GBE1: variants seen among roughly 807,000 people sequenced by gnomAD.
GBE1 encodes 1,4-alpha-glucan branching enzyme 1.
Under a neutral mutation model 88.8 loss-of-function variants are expected in GBE1, and 70 were observed. That is an observed-to-expected ratio of 0.79 (90% CI 0.65 to 0.96). The LOEUF is 0.96. Among genes scored for constraint, GBE1 ranks in the 40% least tolerant of loss-of-function variants. GBE1 has a pLI of 0.00. For missense variants in GBE1, 872 were observed against 871.0 expected (o/e 1.00, Z -0.01); for synonymous variants, 284 against 300.1 (o/e 0.95, Z 0.56).
chr3:81,638,577 C>A (rs557699740), intron 7 of GBE1, among the ~76,000 whole-genome samples: 21 of 152,216 alleles, frequency 1.4e-4, no homozygotes, highest in Middle Eastern at 6.8e-3. Flanking sequence ...GGGTGACACA[C>A]TTGTCAGAAA....
At chr3:81,515,945 T>C (rs981275708) in intron 14 of GBE1, among the ~76,000 whole-genome samples, 3 of 151,634 alleles carry the variant, frequency 2.0e-5, no homozygotes, top group Non-Finnish European at 3.0e-5. Context: ...AGTTTAAAGC[T>C]AGGAGAGACT....
intron 1 of GBE1, among the ~76,000 whole-genome samples, chr3:81,720,201 A>C (rs1312588051): frequency 6.6e-6 from 1 of 152,112 alleles, no homozygotes; most frequent in Non-Finnish European, 1.5e-5. Flanking sequence ...GAGCTTTCAT[A>C]GTGGCTGCCT....
chr3:81,597,447 T>A (rs1052165583), intron 7 of GBE1, among the ~76,000 whole-genome samples: 1 of 144,692 alleles, frequency 6.9e-6, no homozygotes, highest in Admixed American at 7.0e-5. Context: ...ATCTCAAAAA[T>A]ATATATATAT....
At chr3:81,748,138 G>A (rs1706444276) in intron 1 of GBE1, among the ~76,000 whole-genome samples, 1 of 151,596 alleles carries the variant, frequency 6.6e-6, no homozygotes, top group South Asian at 2.1e-4. Context: ...AAACCGGCAA[G>A]TGAAAAAAGA....
intron 14 of GBE1, among the ~76,000 whole-genome samples, chr3:81,511,099 T>C (rs1702720788): frequency 1.3e-5 from 2 of 152,070 alleles, no homozygotes; most frequent in Non-Finnish European, 1.5e-5. Context: ...ATTTAATAAA[T>C]GGTGCTGGGT....
chr3:81,581,062 G>A (rs990785958), intron 11 of GBE1, 103 bp downstream of exon 11: 6 of 684,732 alleles, frequency 8.8e-6, no homozygotes, highest in Admixed American at 5.5e-5. Flanking sequence ...TAACTACAGA[G>A]GTTTATATTT....
chr3:81,612,220 TAA>T (rs11404629), intron 7 of GBE1: 2,842 of 240,480 alleles, frequency 0.012, 1 homozygote, highest in South Asian at 0.024. Context: ...CACGCTCCTT[TAA>T]AAAAAAAAAA....
chr3:81,644,821 T>TG (rs1405022632), intron 6 of GBE1, among the ~76,000 whole-genome samples: 1 of 152,066 alleles, frequency 6.6e-6, no homozygotes, highest in Non-Finnish European at 1.5e-5. Context: ...GTGGTGGCAG[T>TG]GGGGGCAGTT....
At chr3:81,524,229 C>A (rs1702912607) in intron 14 of GBE1, among the ~76,000 whole-genome samples, 1 of 151,830 alleles carries the variant, frequency 6.6e-6, no homozygotes, top group African/African-American at 2.4e-5. Flanking sequence ...GTTTGATTTG[C>A]ATTTCTTTTA....
At chr3:81,613,051 G>T (rs978782778) in intron 7 of GBE1, 5 of 690,162 alleles carry the variant, frequency 7.2e-6, no homozygotes, top group Non-Finnish European at 1.1e-5. Context: ...GGGGAGGAAA[G>T]AGAGGAGGAT....
At chr3:81,511,961 T>C (rs1195842099) in intron 14 of GBE1, among the ~76,000 whole-genome samples, 23 of 151,202 alleles carry the variant, frequency 1.5e-4, no homozygotes. Context: ...CCATGAATGG[T>C]GGATTGGATA....
chr3:81,740,766 G>GCACA (rs71633686), intron 1 of GBE1, among the ~76,000 whole-genome samples: 7,122 of 149,202 alleles, frequency 0.048, 224 homozygotes, highest in African/African-American at 0.082. Flanking sequence ...GTTAGAAAGT[G>GCACA]CACACACACA....
At chr3:81,614,996 T>C (rs929681196) in intron 7 of GBE1, among the ~76,000 whole-genome samples, 3 of 151,684 alleles carry the variant, frequency 2.0e-5, no homozygotes, top group Non-Finnish European at 2.9e-5. Flanking sequence ...TACTCCAGCA[T>C]AGGTTACAGA....
At chr3:81,592,560 C>A (rs955028086) in intron 8 of GBE1, among the ~76,000 whole-genome samples, 8 of 152,040 alleles carry the variant, frequency 5.3e-5, no homozygotes, top group African/African-American at 1.9e-4. Context: ...TTCTGCTGTG[C>A]GGTTTCAGGG....
At chr3:81,574,804 A>T (rs2106929092) in intron 12 of GBE1, among the ~76,000 whole-genome samples, 1 of 152,318 alleles carries the variant, frequency 6.6e-6, no homozygotes, top group South Asian at 2.1e-4. Context: ...TTGAACAAAT[A>T]TCTGGTATAA....
At chr3:81,685,530 C>T (rs1221181016) in intron 2 of GBE1, among the ~76,000 whole-genome samples, 1 of 151,922 alleles carries the variant, frequency 6.6e-6, no homozygotes, top group African/African-American at 2.4e-5. Context: ...TACAAGCACC[C>T]GCCACCATGC....
chr3:81,585,480 T>C (rs1703790548), intron 10 of GBE1, among the ~76,000 whole-genome samples: 1 of 152,000 alleles, frequency 6.6e-6, no homozygotes, highest in Non-Finnish European at 1.5e-5. Context: ...GTCTACATAA[T>C]GACTTTAGTC....
intron 2 of GBE1, among the ~76,000 whole-genome samples, chr3:81,685,947 C>A (rs563116913): frequency 3.9e-5 from 6 of 152,164 alleles, no homozygotes; most frequent in Non-Finnish European, 7.3e-5. Context: ...AATACTCTGG[C>A]AAAGGTCACC....
At chr3:81,575,783 G>T (rs919389733) in intron 12 of GBE1, among the ~76,000 whole-genome samples, 2 of 151,956 alleles carry the variant, frequency 1.3e-5, no homozygotes, top group African/African-American at 4.8e-5. Flanking sequence ...TGCAGCTAAT[G>T]AACTAATGCT....
Sources: gnomAD v4.1 joint callset for allele counts (sites outside exome capture counted in the v4.1 genomes callset) on GRCh38, gnomAD v4.1.1 for gene constraint, MANE v1.5 for transcripts, NCBI Gene and HGNC (gene_info 2026-07-23, HGNC 2026-07-21) for gene names.